The following ATXN2 variants were observed in gnomAD, a reference collection of about 807,000 sequenced individuals.
The protein encoded by ATXN2 is ataxin-2.
In ATXN2, 37 loss-of-function variants were observed where a neutral mutation model predicts 138.6. The ratio of observed to expected loss-of-function variants is 0.27; its 90% CI spans 0.21 to 0.35. ATXN2 has a LOEUF of 0.35. ATXN2 is among the 10% of genes least tolerant of loss of function. The probability of loss-of-function intolerance (pLI) is 1.00; values close to 1 mark genes in which losing one functional copy is unlikely to be tolerated. For synonymous variants in ATXN2, 549 were observed against 543.7 expected, an observed-to-expected ratio of 1.01 and a Z score of -0.13; for missense variants, 1,216 against 1,480.3, an observed-to-expected ratio of 0.82 and a Z score of 2.93.
chr12:111,486,933 C>A, intron 15 of ATXN2, 109 bp from the exon 16 acceptor site: 1 of 850,650 alleles, frequency 1.2e-6, no homozygotes, highest in South Asian at 1.6e-5. Context: ...TTAAACTGTT[C>A]TCACTAGAAG....
chr12:111,487,156 G>A (rs1345904765), intron 15 of ATXN2, among the ~76,000 whole-genome samples: 2 of 151,860 alleles, frequency 1.3e-5, no homozygotes, highest in African/African-American at 2.4e-5. Flanking sequence ...TTGGCTCACT[G>A]CAACCTCTGC....
intron 10 of ATXN2, among the ~76,000 whole-genome samples, chr12:111,514,881 G>A (rs1185130804): frequency 6.6e-6 from 1 of 152,192 alleles, no homozygotes; most frequent in Non-Finnish European, 1.5e-5. Context: ...ATCTCTGAAT[G>A]ACACAGAAAG....
chr12:111,545,883 T>C (rs1881773881), intron 5 of ATXN2, among the ~76,000 whole-genome samples: 1 of 150,464 alleles, frequency 6.6e-6, no homozygotes, highest in Admixed American at 6.7e-5. Context: ...GAGGATCACC[T>C]GAGCCTGGGA....
intron 14 of ATXN2, among the ~76,000 whole-genome samples, chr12:111,502,214 T>C (rs1052808098): frequency 1.3e-5 from 2 of 152,172 alleles, no homozygotes; most frequent in Admixed American, 6.5e-5. Flanking sequence ...AAACTATTTA[T>C]AGACTTATTC....
chr12:111,456,727 A>G (rs1875129105), intron 22 of ATXN2, among the ~76,000 whole-genome samples: 1 of 152,102 alleles, frequency 6.6e-6, no homozygotes, highest in Admixed American at 6.5e-5. Flanking sequence ...TATTATCAAC[A>G]TGTATCTTAA....
intron 18 of ATXN2, among the ~76,000 whole-genome samples, chr12:111,474,089 C>T (rs533190099): frequency 4.6e-5 from 7 of 152,198 alleles, no homozygotes; most frequent in East Asian, 3.9e-4. Flanking sequence ...GGTATGGTGG[C>T]GCGCACCTTT....
chr12:111,514,053 A>G (rs1191598227), intron 10 of ATXN2, among the ~76,000 whole-genome samples: 1 of 152,192 alleles, frequency 6.6e-6, no homozygotes, highest in Non-Finnish European at 1.5e-5. Context: ...AAACATATGT[A>G]CATACCCTTC....
Position 111,453,430 on chromosome 12 carries a change from TTGCTGCTGC to T in ATXN2, c.3439+238_3439+246del, listed in dbSNP as rs1052664779. On this transcript the variant is annotated intron_variant, in intron 24 of 24. Transcript: ENST00000673436. The surrounding 1 kb of genome is among the most constrained non-coding windows in gnomAD (Gnocchi z 5.4). ...GTCCTAGGCATGCATCAGGCTGCTG[TTGCTGCTGC>T]TGCTGCTTCTCATCAAGCCAAATCC... 2.5e-5 allele frequency: 31 copies of T among 1,246,764 alleles called. No individual in the cohort carries two copies. Among genetic ancestry groups the T allele is most frequent in the African/African-American group, 6.2e-5 (4 of 64,238 alleles). 77.2% of individuals were successfully genotyped at this position (1,246,764 alleles called of 1,614,324 possible). A position where few individuals can be genotyped will look rare whatever the true frequency, so the allele number is the denominator to read the frequency against.
At chr12:111,476,140 A>G (rs1283693777) in intron 18 of ATXN2, among the ~76,000 whole-genome samples, 1 of 152,104 alleles carries the variant, frequency 6.6e-6, no homozygotes, top group Non-Finnish European at 1.5e-5. Flanking sequence ...TTTTGTAGAT[A>G]TGGGGTTTTC....
intron 6 of ATXN2, among the ~76,000 whole-genome samples, chr12:111,524,224 A>G (rs527453898): frequency 6.6e-6 from 1 of 152,340 alleles, no homozygotes; most frequent in East Asian, 1.9e-4. Flanking sequence ...CAGTTTTATT[A>G]CTAGACTTTA....
chr12:111,453,565 T>G lies in ATXN2; in HGVS notation c.3439+112A>C, dbSNP rs1298877400. ...CCTCCTGTGCACACTCCTGGACGGG[T>G]CTTGCTAGTTCTCAAATGCGGGGCT... On this transcript the variant is annotated intron_variant, in intron 24 of 24. Coordinates refer to ENST00000673436, the MANE Select transcript of ATXN2 (RefSeq NM_001372574.1). This position sits in a 1 kb window ranked among gnomAD's most constrained non-coding sequence, Gnocchi z 5.4. 1 of 1,446,130 alleles carries G rather than the reference T, an allele frequency of 6.9e-7. No homozygotes were observed. Among genetic ancestry groups the G allele is most frequent in the East Asian group, 2.5e-5 (1 of 39,450 alleles). 89.6% of individuals were successfully genotyped at this position (1,446,130 alleles called of 1,614,324 possible). A position where few individuals can be genotyped will look rare whatever the true frequency, so the allele number is the denominator to read the frequency against.
intron 1 of ATXN2, among the ~76,000 whole-genome samples, chr12:111,565,558 T>A (rs1882955021): frequency 6.6e-6 from 1 of 152,186 alleles, no homozygotes; most frequent in Non-Finnish European, 1.5e-5. Context: ...TTACCCTGAT[T>A]TCTTTTAAGG....
intron 1 of ATXN2, among the ~76,000 whole-genome samples, chr12:111,565,431 T>C (rs902565742): frequency 6.6e-6 from 1 of 152,212 alleles, no homozygotes; most frequent in Non-Finnish European, 1.5e-5. Context: ...TGTAATCAGA[T>C]TGTATTTTAC....
rs1885071811 is a variant in ATXN2 at position 111,598,752 on chromosome 12, G to A, written c.251+32C>T. 4 of 1,180,234 alleles carry A rather than the reference G, an allele frequency of 3.4e-6. No individual in the cohort carries two copies. Among genetic ancestry groups the A allele is most frequent in the African/African-American group, 1.6e-5 (1 of 61,856 alleles). The allele number at this position is 1,180,234 out of a possible 1,614,324, so 73.1% of individuals were successfully genotyped here. On this transcript the variant is annotated intron_variant, in intron 1 of 24. Transcript: ENST00000673436. This position sits in a 1 kb window ranked among gnomAD's most constrained non-coding sequence, Gnocchi z 4.5. ...CCGCGGGGGAGGGGACGCCGGGCCC[G>A]GAGCGGAGGGGGCTGGGGTGCCGAC...
At chr12:111,574,720 G>A (rs992144026) in intron 1 of ATXN2, among the ~76,000 whole-genome samples, 2 of 152,030 alleles carry the variant, frequency 1.3e-5, no homozygotes, top group African/African-American at 4.8e-5. Flanking sequence ...ACTGTGCCCA[G>A]CCAAAATTCC....
chr12:111,565,883 C>G (rs1196188989), intron 1 of ATXN2, among the ~76,000 whole-genome samples: 1 of 151,784 alleles, frequency 6.6e-6, no homozygotes, highest in Non-Finnish European at 1.5e-5. Flanking sequence ...GTAATCCCAG[C>G]TACTCAGTAA....
intron 3 of ATXN2, among the ~76,000 whole-genome samples, chr12:111,553,449 T>A (rs1170510821): frequency 6.6e-6 from 1 of 151,582 alleles, no homozygotes; most frequent in African/African-American, 2.4e-5. Context: ...ATCCCTAAAT[T>A]ACTTGTAATA....
chr12:111,511,597 C>T (rs1879523032), intron 11 of ATXN2: 1 of 152,176 alleles, frequency 6.6e-6, no homozygotes, highest in East Asian at 1.9e-4. Context: ...TCCTGAGCAG[C>T]TGGGATTACA....
chr12:111,490,658 G>A (rs1877961566), intron 14 of ATXN2, among the ~76,000 whole-genome samples: 1 of 152,018 alleles, frequency 6.6e-6, no homozygotes, highest in Non-Finnish European at 1.5e-5. Context: ...CCAAAAATTA[G>A]GTAAGCGATC....
Sources: gnomAD v4.1 joint callset for allele counts (sites outside exome capture counted in the v4.1 genomes callset) on GRCh38, gnomAD v4.1.1 for gene constraint, Gnocchi (gnomAD v3.1) non-coding constraint, MANE v1.5 for transcripts, NCBI Gene and HGNC (gene_info 2026-07-23, HGNC 2026-07-21) for gene names.